Variants in THEM4 observed in about 807,000 individuals in gnomAD.
THEM4 encodes acyl-coenzyme A thioesterase THEM4.
Under a neutral mutation model 25.0 loss-of-function variants are expected in THEM4, and 22 were observed. That is an observed-to-expected ratio of 0.88 (90% CI 0.63 to 1.26). The LOEUF is 1.26. THEM4 is among the 50% of genes most tolerant of loss of function. THEM4 has a pLI of 0.00. For missense variants in THEM4, 286 were observed against 300.3 expected (o/e 0.95, Z 0.35); for synonymous variants, 113 against 105.6 (o/e 1.07, Z -0.43).
chr1:151,895,196 TA>T lies in THEM4; in HGVS notation c.100-3del. The T allele has an allele frequency of 6.3e-6, 10 of 1,595,836 alleles. No individual in the cohort carries two copies. Among genetic ancestry groups the T allele is most frequent in the Non-Finnish European group, 8.5e-6 (10 of 1,175,748 alleles). ...GACTTCCTCAGAAGAAAATGACCTC[TA>T]AAAGACAGAAGAAAAAGAAAAGTAA... is the stretch of plus-strand genomic sequence containing the variant. On this transcript the variant is annotated splice_polypyrimidine_tract_variant and splice_region_variant and intron_variant, in intron 1 of 5. Coordinates refer to ENST00000368814, the MANE Select transcript of THEM4 (RefSeq NM_053055.5).
intron 1 of THEM4, among the ~76,000 whole-genome samples, chr1:151,896,166 G>T (rs1654220103): frequency 6.6e-6 from 1 of 151,792 alleles, no homozygotes; most frequent in East Asian, 1.9e-4. Flanking sequence ...GCTAATTTTT[G>T]TATTTTTAGT....
At chr1:151,875,071 C>T (rs1356275176) in intron 5 of THEM4, 143 bp from the exon 6 acceptor site, 13 of 725,016 alleles carry the variant, frequency 1.8e-5, no homozygotes, top group Non-Finnish European at 2.4e-5. Context: ...CATTTTTCAG[C>T]CAAATTAAGA....
chr1:151,892,666 A>T (rs920269505), intron 2 of THEM4, among the ~76,000 whole-genome samples: 4 of 152,236 alleles, frequency 2.6e-5, no homozygotes, highest in Non-Finnish European at 5.9e-5. Context: ...ATCTACCATG[A>T]GGAAACTGAG....
intron 1 of THEM4, among the ~76,000 whole-genome samples, chr1:151,900,039 C>T (rs1183915661): frequency 2.6e-5 from 4 of 152,164 alleles, no homozygotes; most frequent in Non-Finnish European, 1.5e-5. Flanking sequence ...GCCAAGAATT[C>T]TGTATCCAGT....
chr1:151,904,125 G>T (rs1654408326), intron 1 of THEM4, among the ~76,000 whole-genome samples: 1 of 152,108 alleles, frequency 6.6e-6, no homozygotes, highest in African/African-American at 2.4e-5. Flanking sequence ...GAATGGGGAG[G>T]GGGCCTGCTC....
rs1295153782 is a variant in THEM4, at chr1:151,873,116, C to T, written c.*1772G>A. Among the ~76,000 whole-genome samples, 1 of 152,174 alleles carries T rather than the reference C, an allele frequency of 6.6e-6. No homozygotes were observed. The highest frequency in any genetic ancestry group is 1.5e-5 in the Non-Finnish European group (1 of 68,036). ...CCAAGATACGCTGGCGGCAATGCTG[C>T]TGTTACTCTTTGCTACACTGAGATG... On this transcript the variant is annotated 3_prime_UTR_variant, in exon 6 of 6. Transcript: ENST00000368814.
intron 5 of THEM4, among the ~76,000 whole-genome samples, chr1:151,876,610 G>A (rs1348065209): frequency 6.6e-6 from 1 of 151,816 alleles, no homozygotes; most frequent in Non-Finnish European, 1.5e-5. Context: ...ACCATGCCCC[G>A]CTAATTTTTT....
chr1:151,880,035 G>T (rs1310373007), intron 4 of THEM4, among the ~76,000 whole-genome samples: 1 of 151,754 alleles, frequency 6.6e-6, no homozygotes, highest in Non-Finnish European at 1.5e-5. Context: ...CAGTTCAGTG[G>T]CTATTCACAG....
intron 2 of THEM4, chr1:151,890,197 G>A (rs781697057): frequency 1.3e-5 from 6 of 457,342 alleles, no homozygotes; most frequent in Admixed American, 4.7e-5. Flanking sequence ...GAGCCACAGC[G>A]CCCGGCCATT....
chr1:151,893,397 A>C (rs1284252267), intron 2 of THEM4, among the ~76,000 whole-genome samples: 1 of 133,160 alleles, frequency 7.5e-6, no homozygotes, highest in Non-Finnish European at 1.6e-5. Context: ...AAAAACAAAA[A>C]AACAACAAAA....
intron 4 of THEM4, among the ~76,000 whole-genome samples, chr1:151,884,678 CTTTT>C (rs1393102218): frequency 1.0e-5 from 1 of 95,564 alleles, no homozygotes; most frequent in Non-Finnish European, 2.1e-5. Context: ...CTTTCATTTC[CTTTT>C]TTTTGTTTTT....
chr1:151,908,099 T>G (rs1000082836), intron 1 of THEM4, among the ~76,000 whole-genome samples: 13 of 152,372 alleles, frequency 8.5e-5, no homozygotes, highest in African/African-American at 3.1e-4. Context: ...TAAGAGGTTC[T>G]TCCCCCAGGC....
intron 4 of THEM4, among the ~76,000 whole-genome samples, chr1:151,884,672 C>A (rs1314898254): frequency 7.1e-6 from 1 of 140,872 alleles, no homozygotes; most frequent in Non-Finnish European, 1.5e-5. Context: ...ATTACACTTT[C>A]ATTTCCTTTT....
chr1:151,900,173 A>G (rs1008333316), intron 1 of THEM4, among the ~76,000 whole-genome samples: 1 of 152,222 alleles, frequency 6.6e-6, no homozygotes, highest in Admixed American at 6.5e-5. Context: ...ATCTTGAAAC[A>G]AATCCCAGAA....
chr1:151,905,725 C>T (rs1340998715), intron 1 of THEM4, among the ~76,000 whole-genome samples: 1 of 152,178 alleles, frequency 6.6e-6, no homozygotes, highest in Non-Finnish European at 1.5e-5. Flanking sequence ...TGTGATTGTA[C>T]CTTGCTCTGC....
intron 3 of THEM4, 127 bp downstream of exon 3, chr1:151,889,087 T>C: frequency 1.7e-6 from 1 of 593,818 alleles, no homozygotes; most frequent in Admixed American, 3.3e-5. Flanking sequence ...TAAACATCTT[T>C]CCATGTCAAT....
intron 1 of THEM4, among the ~76,000 whole-genome samples, chr1:151,895,411 G>A (rs1654202121): frequency 6.6e-6 from 1 of 152,148 alleles, no homozygotes; most frequent in African/African-American, 2.4e-5. Flanking sequence ...CACCCAGCGA[G>A]CTATTGACAG....
rs927207712 is a variant in THEM4, at chr1:151,909,362, G to A, written c.97C>T (p.Leu33=). 2.0e-6 allele frequency: 3 copies of A among 1,511,738 alleles called. No homozygotes were observed. The highest frequency in any genetic ancestry group is 1.2e-5 in the South Asian group (1 of 82,338). 93.6% of individuals were successfully genotyped at this position (1,511,738 alleles called of 1,614,324 possible). A position where few individuals can be genotyped will look rare whatever the true frequency, so the allele number is the denominator to read the frequency against. ...RLPGSEPRPE[L]RSFSSEEVIL... Reference sequence around the variant, plus strand: ...TGCCCGAGGGTGCCCAGACTCACCAGCTCGGGTCGCGGCTCGCTTCCCGGC... The same window carrying A: ...TGCCCGAGGGTGCCCAGACTCACCAACTCGGGTCGCGGCTCGCTTCCCGGC... The change falls in exon 1 of 6, where the codon CTG becomes TTG. Residue 33 remains leucine (L), a splice_region_variant and synonymous_variant. Coordinates refer to ENST00000368814, the MANE Select transcript of THEM4 (RefSeq NM_053055.5).
chr1:151,894,871 C>A, intron 2 of THEM4, 137 bp downstream of exon 2: 1 of 963,316 alleles, frequency 1.0e-6, no homozygotes, highest in South Asian at 1.4e-5. Context: ...GATTTCTGGT[C>A]TATAAAATTG....
Sources: allele counts gnomAD v4.1 joint callset (sites outside exome capture counted in the v4.1 genomes callset), GRCh38; gene constraint gnomAD v4.1.1; transcripts MANE v1.5; gene names NCBI Gene and HGNC (gene_info 2026-07-23, HGNC 2026-07-21).